The following RNF10 variants were observed in gnomAD, a reference collection of about 807,000 sequenced individuals.
The protein encoded by RNF10 is ring finger protein 10.
RNF10 carries 38 observed loss-of-function variants against 91.4 expected under a neutral mutation model. The ratio of observed to expected loss-of-function variants is 0.42; its 90% CI spans 0.32 to 0.54. RNF10 has a LOEUF of 0.54. Ranked by LOEUF, RNF10 falls within the 20% of genes least tolerant of loss-of-function variation. The pLI is 0.16. For synonymous variants in RNF10, 364 were observed against 366.3 expected (o/e 0.99, Z 0.07); for missense variants, 945 against 1,012.0 (o/e 0.93, Z 0.90).
chr12:120,563,127 G>T (rs746510909), intron 8 of RNF10, 57 bp downstream of exon 8: 8 of 1,609,478 alleles, frequency 5.0e-6, no homozygotes, highest in Non-Finnish European at 5.1e-6. Context: ...TCATTGAGCT[G>T]GTAGGCATTA....
intron 7 of RNF10, among the ~76,000 whole-genome samples, chr12:120,561,726 C>T (rs1874860330): frequency 1.3e-5 from 2 of 152,186 alleles, no homozygotes; most frequent in Non-Finnish European, 2.9e-5. Flanking sequence ...TTCCCTTCTC[C>T]CTGACTCCCA....
chr12:120,561,061 T>C (rs1351721238), intron 7 of RNF10, among the ~76,000 whole-genome samples, 175 bp downstream of exon 7: 1 of 152,128 alleles, frequency 6.6e-6, no homozygotes, highest in African/African-American at 2.4e-5. Flanking sequence ...AAAAGCCAAT[T>C]TGTTTTGGGC....
At chr12:120,561,234 A>G (rs1228647323) in intron 7 of RNF10, among the ~76,000 whole-genome samples, 1 of 152,170 alleles carries the variant, frequency 6.6e-6, no homozygotes, top group Non-Finnish European at 1.5e-5. Flanking sequence ...TTCTGGGAAA[A>G]TACTTAAGAT....
At chr12:120,574,696 C>T (rs1348756416) in intron 14 of RNF10, 7 of 350,450 alleles carry the variant, frequency 2.0e-5, no homozygotes, top group Admixed American at 7.4e-5. Flanking sequence ...GAGGCCAAGG[C>T]GGGCAGATCA....
intron 12 of RNF10, among the ~76,000 whole-genome samples, 199 bp downstream of exon 12, chr12:120,565,728 G>A (rs1875589197): frequency 6.6e-6 from 1 of 152,216 alleles, no homozygotes; most frequent in Non-Finnish European, 1.5e-5. Flanking sequence ...ACATAGTAAG[G>A]ATTAAGAGGA....
chr12:120,552,485 C>G lies in RNF10; in HGVS notation c.355-14C>G. 1 of 1,608,746 alleles carries G rather than the reference C, an allele frequency of 6.2e-7. No individual in the cohort carries two copies. Among genetic ancestry groups the G allele is most frequent in the Non-Finnish European group, 8.5e-7 (1 of 1,175,648 alleles). On this transcript the variant is annotated splice_polypyrimidine_tract_variant and intron_variant, in intron 2 of 16. Transcript: ENST00000325954. ...TCCTAATCTGAAATACTGATTCATTCTCATTCTCTCTAGGTAGCAGAGGCT... is the reference window on the plus strand; with the variant it reads ...TCCTAATCTGAAATACTGATTCATTGTCATTCTCTCTAGGTAGCAGAGGCT...
intron 1 of RNF10, among the ~76,000 whole-genome samples, chr12:120,545,342 C>T (rs189658253): frequency 0.03 from 4,345 of 144,522 alleles, 223 homozygotes; most frequent in African/African-American, 0.1. Flanking sequence ...CCACCATGCC[C>T]GGCTAATTTT....
At chr12:120,552,426 G>GTT in intron 2 of RNF10, 73 bp from the exon 3 acceptor site, 1 of 1,313,952 alleles carries the variant, frequency 7.6e-7, no homozygotes, top group African/African-American at 1.5e-5. Flanking sequence ...TAAAAGGAGG[G>GTT]TTTTTTTTGG....
In RNF10 at chr12:120,563,407, A is replaced by G. The variant is rs1035342643; in HGVS notation, c.1315A>G (p.Thr439Ala). 9.9e-6 allele frequency: 16 copies of G among 1,613,952 alleles called. No individual in the cohort carries two copies. The highest frequency in any genetic ancestry group is 1.3e-5 in the African/African-American group (1 of 74,970). The change falls in exon 9 of 17, where the codon ACT becomes GCT. Residue 439 changes from threonine (T) to alanine (A), a missense_variant. Transcript: ENST00000325954. Reference protein sequence around the residue: ...EETTEVCSLDTPSRPLALPLV... With the variant: ...EETTEVCSLDAPSRPLALPLV... ...AACCACGGAAGTTTGTTCTCTGGAC[A>G]CTCCTTCTAGACCTCTTGCTCTCCC...
intron 13 of RNF10, among the ~76,000 whole-genome samples, chr12:120,569,810 T>C (rs1312267388): frequency 1.3e-5 from 2 of 152,156 alleles, no homozygotes; most frequent in African/African-American, 4.8e-5. Context: ...TGTGCTGGGA[T>C]TATAGGCCTG....
chr12:120,542,617 A>G (rs1302040619), intron 1 of RNF10, among the ~76,000 whole-genome samples: 2 of 152,126 alleles, frequency 1.3e-5, no homozygotes, highest in Non-Finnish European at 2.9e-5. Context: ...CAGTGGCGTG[A>G]TTTCAGCTCA....
At position 120,566,805 on chromosome 12, in the gene RNF10, G is replaced by A; in HGVS notation, c.1886-20G>A. On this transcript the variant is annotated intron_variant, in intron 12 of 16. Transcript: ENST00000325954. ...TTGAATTCTGTAAATGGGTTTACAA[G>A]GGTTATCTTTCCTTTGCAGACCCAG... The A allele has an allele frequency of 2.5e-6, 4 of 1,601,046 alleles. No homozygotes were observed. Among genetic ancestry groups the A allele is most frequent in the Non-Finnish European group, 3.4e-6 (4 of 1,175,340 alleles).
Position 120,575,849 on chromosome 12 carries a change from C to T in RNF10, c.2258C>T (p.Ser753Leu). Residue 753 changes from serine (S) to leucine (L), a missense_variant, in exon 16 of 17, where the codon TCA (serine) becomes TTA (leucine). Ser to Leu is a moderately radical substitution (Grantham distance 145, BLOSUM62 -2). Transcript: ENST00000325954. ...PVDSDGESDN[S>L]DRVPVPSFQN... Reference sequence around the variant, plus strand: ...GACAGCGACGGGGAGAGTGATAATTCAGACCGTGTTCCTGTGCCCAGTTTT... The same window carrying T: ...GACAGCGACGGGGAGAGTGATAATTTAGACCGTGTTCCTGTGCCCAGTTTT... 6.2e-7 allele frequency: 1 copy of T among 1,614,184 alleles called. No homozygotes were observed. Among genetic ancestry groups the T allele is most frequent in the Non-Finnish European group, 8.5e-7 (1 of 1,180,022 alleles).
chr12:120,547,704 A>T (rs1012821062), intron 2 of RNF10, among the ~76,000 whole-genome samples: 1 of 152,134 alleles, frequency 6.6e-6, no homozygotes, highest in African/African-American at 2.4e-5. Flanking sequence ...AGGCTACCGT[A>T]AGTGGAGGAG....
chr12:120,569,161 G>GT (rs1682525140), intron 13 of RNF10, among the ~76,000 whole-genome samples: 2 of 152,046 alleles, frequency 1.3e-5, no homozygotes. Flanking sequence ...TAGAGACAGG[G>GT]TTTCTCCATG....
chr12:120,537,489 G>A (rs942219997), intron 1 of RNF10, among the ~76,000 whole-genome samples: 2 of 152,068 alleles, frequency 1.3e-5, no homozygotes, highest in African/African-American at 2.4e-5. Context: ...TTAGTCCGGC[G>A]TGGTGGTGCG....
In RNF10 at chr12:120,575,708, G is replaced by A. The variant is rs968105375; in HGVS notation, c.2200+20G>A. The A allele has an allele frequency of 5.6e-6, 9 of 1,614,082 alleles. No homozygotes were observed. Among genetic ancestry groups the A allele is most frequent in the African/African-American group, 1.3e-5 (1 of 74,934 alleles). ...AGAAAGGTGAGGATGGTCCACTGGT[G>A]AAGGGGGAGTTTGGCTTCTTTCCAT... On this transcript the variant is annotated intron_variant, in intron 15 of 16. Coordinates refer to ENST00000325954, the MANE Select transcript of RNF10 (RefSeq NM_014868.5).
rs537311859 is a variant in RNF10, at chr12:120,540,824, C to T, written c.158-5581C>T. ...GTGGTAATAAGTGAAGAAATGAAGA[C>T]AGCCTTCTTGCTGAGTGCCAGTTTA... On this transcript the variant is annotated intron_variant, in intron 1 of 16. Transcript: ENST00000325954. 2.1e-4 allele frequency among the ~76,000 whole-genome samples: 32 copies of T among 150,758 alleles called. No homozygotes were observed. The South Asian group carries it at 4.8e-3, about 23-fold the overall frequency.
At chr12:120,540,393 A>G (rs1871382419) in intron 1 of RNF10, among the ~76,000 whole-genome samples, 2 of 152,150 alleles carry the variant, frequency 1.3e-5, no homozygotes, top group African/African-American at 4.8e-5. Context: ...AACTTCACCC[A>G]TAGTTCCTTC....
Sources: allele counts gnomAD v4.1 joint callset (sites outside exome capture counted in the v4.1 genomes callset), GRCh38; gene constraint gnomAD v4.1.1; transcripts MANE v1.5; gene names NCBI Gene and HGNC (gene_info 2026-07-23, HGNC 2026-07-21).